Variants in UNC13B observed in about 807,000 individuals in gnomAD.
The protein encoded by UNC13B is unc-13 homolog B.
Under a neutral mutation model 211.0 loss-of-function variants are expected in UNC13B, and 144 were observed. The observed-to-expected ratio is 0.68, with a 90% CI of 0.60 to 0.78. UNC13B has a LOEUF of 0.78. UNC13B is among the 30% of genes least tolerant of loss of function. UNC13B has a pLI of 0.00. For missense variants in UNC13B, 1,777 were observed against 2,002.0 expected (o/e 0.89, Z 2.14); for synonymous variants, 709 against 725.8 (o/e 0.98, Z 0.37).
intron 3 of UNC13B, among the ~76,000 whole-genome samples, chr9:35,234,886 A>G (rs1212455706): frequency 6.6e-6 from 1 of 152,152 alleles, no homozygotes; most frequent in African/African-American, 2.4e-5. Flanking sequence ...ACAACAGGGA[A>G]CCCAAGCTTT....
At chr9:35,354,043 C>A (rs1374919575) in intron 11 of UNC13B, among the ~76,000 whole-genome samples, 2 of 152,188 alleles carry the variant, frequency 1.3e-5, no homozygotes, top group Non-Finnish European at 1.5e-5. Context: ...GGTTCTCAAG[C>A]AAGAGGAAGC....
Position 35,403,968 on chromosome 9 carries a change from G to A in UNC13B, c.12958G>A (p.Asp4320Asn). The A allele has an allele frequency of 2.5e-6, 4 of 1,614,104 alleles. No individual in the cohort carries two copies. Among genetic ancestry groups the A allele is most frequent in the African/African-American group, 1.3e-5 (1 of 75,020 alleles). The change falls in exon 40 of 40, where the codon GAC (aspartate) becomes AAC (asparagine). Residue 4320 changes from aspartate to asparagine, a missense_variant. Transcript: ENST00000635942. ...CCGGATTTTATCTCAGAGGAGCAAT[G>A]ACGAGGTGGCCCGAGAATTTGTGAA... ...ILRILSQRSNDEVAREFVKLK... is the reference protein window; with the variant it reads ...ILRILSQRSNNEVAREFVKLK...
At chr9:35,203,028 G>A (rs150943090) in intron 1 of UNC13B, among the ~76,000 whole-genome samples, 2,590 of 152,110 alleles carry the variant, frequency 0.017, 56 homozygotes, top group African/African-American at 0.059. Context: ...TCCTGACCTC[G>A]TGATCCACCC....
At chr9:35,354,219 G>A (rs1263214029) in intron 11 of UNC13B, among the ~76,000 whole-genome samples, 1 of 152,162 alleles carries the variant, frequency 6.6e-6, no homozygotes, top group Non-Finnish European at 1.5e-5. Context: ...TTGCTCACAG[G>A]CACTAGAAGG....
At chr9:35,358,984 G>A (rs1833220769) in intron 11 of UNC13B, among the ~76,000 whole-genome samples, 1 of 151,922 alleles carries the variant, frequency 6.6e-6, no homozygotes, top group Non-Finnish European at 1.5e-5. Context: ...AGAGGCTTGA[G>A]CCACCACGCC....
chr9:35,347,928 C>T (rs189535845), intron 11 of UNC13B, among the ~76,000 whole-genome samples: 15 of 152,046 alleles, frequency 9.9e-5, no homozygotes, highest in South Asian at 6.3e-4. Flanking sequence ...GTAAGGTGTC[C>T]GGGAAATGAG....
intron 1 of UNC13B, among the ~76,000 whole-genome samples, chr9:35,216,833 G>T (rs1195732922): frequency 6.6e-6 from 1 of 152,112 alleles, no homozygotes; most frequent in Non-Finnish European, 1.5e-5. Context: ...TGGCATATTG[G>T]ATATAAAAAC....
chr9:35,248,961 A>C (rs571827568), intron 6 of UNC13B, among the ~76,000 whole-genome samples: 80 of 152,240 alleles, frequency 5.3e-4, no homozygotes, highest in African/African-American at 1.5e-3. Context: ...TGGGTGTTAA[A>C]GTCTCCCATT....
intron 7 of UNC13B, among the ~76,000 whole-genome samples, chr9:35,259,800 G>C (rs1355656291): frequency 2.7e-5 from 4 of 146,422 alleles, no homozygotes; most frequent in Non-Finnish European, 6.0e-5. Context: ...GGGATGCGGG[G>C]GGGGGGGATT....
At chr9:35,270,858 C>T (rs113792864) in intron 7 of UNC13B, among the ~76,000 whole-genome samples, 4,503 of 151,786 alleles carry the variant, frequency 0.03, 220 homozygotes, top group African/African-American at 0.1. Context: ...AAGGCATTTT[C>T]GGCCAGGCAC....
At chr9:35,389,793 A>G (rs144721090) in intron 24 of UNC13B, 53 bp from the exon 25 acceptor site, 6 of 1,600,880 alleles carry the variant, frequency 3.7e-6, no homozygotes, top group East Asian at 2.2e-5. Flanking sequence ...GACACCCTCT[A>G]CATTCTACTC....
chr9:35,196,404 A>G (rs1335656448), intron 1 of UNC13B, among the ~76,000 whole-genome samples: 1 of 152,204 alleles, frequency 6.6e-6, no homozygotes, highest in Non-Finnish European at 1.5e-5. Flanking sequence ...TGTGAATAGG[A>G]TTATTTCCCA....
intron 7 of UNC13B, among the ~76,000 whole-genome samples, chr9:35,276,512 A>G (rs1828187048): frequency 6.6e-6 from 1 of 152,104 alleles, no homozygotes; most frequent in Non-Finnish European, 1.5e-5. Flanking sequence ...AGAATATGTT[A>G]GTTTCCTCAC....
intron 29 of UNC13B, 130 bp downstream of exon 29, chr9:35,397,440 T>C (rs1182346591): frequency 6.9e-7 from 1 of 1,448,938 alleles, no homozygotes; most frequent in East Asian, 2.3e-5. Context: ...TCTCCTTTGC[T>C]GGTTTCTGGG....
chr9:35,221,060 T>C (rs1824539627), intron 1 of UNC13B, among the ~76,000 whole-genome samples: 1 of 152,152 alleles, frequency 6.6e-6, no homozygotes, highest in African/African-American at 2.4e-5. Flanking sequence ...TGTCTGTCTT[T>C]TAAATTTTTA....
intron 32 of UNC13B, 116 bp downstream of exon 32, chr9:35,398,758 C>A: frequency 6.4e-7 from 1 of 1,560,638 alleles, no homozygotes; most frequent in South Asian, 1.2e-5. Flanking sequence ...TCCCTGTACT[C>A]CTGCTGACTG....
At chr9:35,263,051 G>A (rs1159847076) in intron 7 of UNC13B, among the ~76,000 whole-genome samples, 1 of 151,844 alleles carries the variant, frequency 6.6e-6, no homozygotes, top group Non-Finnish European at 1.5e-5. Flanking sequence ...TATTCATATG[G>A]GGGTATACCT....
At chr9:35,341,261 A>G (rs1484816944) in intron 11 of UNC13B, among the ~76,000 whole-genome samples, 1 of 152,202 alleles carries the variant, frequency 6.6e-6, no homozygotes, top group Non-Finnish European at 1.5e-5. Context: ...TTGCTTTGGC[A>G]TAGCCTGAGG....
At chr9:35,176,303 T>C (rs1821631772) in intron 1 of UNC13B, among the ~76,000 whole-genome samples, 1 of 151,998 alleles carries the variant, frequency 6.6e-6, no homozygotes, top group African/African-American at 2.4e-5. Context: ...ATCCCAGCAT[T>C]TTGGGAGGCT....
Sources: allele counts gnomAD v4.1 joint callset (sites outside exome capture counted in the v4.1 genomes callset), GRCh38; gene constraint gnomAD v4.1.1; transcripts MANE v1.5; gene names NCBI Gene and HGNC (gene_info 2026-07-23, HGNC 2026-07-21).